The following MRPL3 variants were observed in gnomAD, a reference collection of about 807,000 sequenced individuals.
MRPL3 encodes the protein large ribosomal subunit protein uL3m.
A neutral mutation model predicts 44.3 loss-of-function variants in MRPL3; 43 were observed. The ratio of observed to expected loss-of-function variants is 0.97; its 90% CI spans 0.76 to 1.25. MRPL3 has a LOEUF of 1.25. Among genes scored for constraint, MRPL3 ranks in the 50% most tolerant of loss-of-function variants. The pLI, the probability that MRPL3 is intolerant of heterozygous loss-of-function variation, is 0.00. For synonymous variants in MRPL3, 171 were observed against 152.3 expected (o/e 1.12, Z -0.91); for missense variants, 406 against 427.6 (o/e 0.95, Z 0.45).
chr3:131,480,682 A>C (rs1933963763), intron 6 of MRPL3, among the ~76,000 whole-genome samples: 1 of 152,208 alleles, frequency 6.6e-6, no homozygotes, highest in Admixed American at 6.5e-5. Flanking sequence ...TCTTCTCAAA[A>C]AAGAAAACAC....
rs200125815 is a variant in MRPL3 at position 131,502,739 on chromosome 3, G to A, written c.83C>T (p.Pro28Leu). The change falls in exon 1 of 10, where the codon CCG (proline) becomes CTG (leucine). Residue 28 changes from proline (P) to leucine (L), a missense_variant. By Grantham distance (98) the Pro-to-Leu change is moderately conservative. Transcript: ENST00000264995. Reference sequence around the variant, plus strand: ...CCTCACACCTTCCTACCTGTTCCCCGGGCCCAGGGCAGCACCCAGGCCGTC... The same window carrying A: ...CCTCACACCTTCCTACCTGTTCCCCAGGCCCAGGGCAGCACCCAGGCCGTC... Reference protein sequence around the residue: ...LGDGLGAALGPGNRTHIWLFV... With the variant: ...LGDGLGAALGLGNRTHIWLFV... 249 of 1,608,892 alleles carry A rather than the reference G, an allele frequency of 1.5e-4. 3 individuals are homozygous for A. In the East Asian group the frequency reaches 4.9e-3, roughly 32 times the overall value.
intron 1 of MRPL3, chr3:131,501,926 T>G: frequency 6.5e-7 from 1 of 1,534,760 alleles, no homozygotes; most frequent in East Asian, 2.4e-5. Context: ...GTCGTTACCC[T>G]GGAGAAAAAA....
rs78929649 is a variant in MRPL3 at position 131,487,448 on chromosome 3, TA to T, written c.629+231del. On this transcript the variant is annotated intron_variant, in intron 6 of 9. Coordinates refer to ENST00000264995, the MANE Select transcript of MRPL3 (RefSeq NM_007208.4). ...ATGTACCCTAGAACTTAAAGTATAA[TA>T]AAAAAAAAACAAATAAAAATAAAAG... 0.019 allele frequency: 7,139 copies of T among 379,494 alleles called. 56 individuals carry two copies. The highest frequency in any genetic ancestry group is 0.041 in the East Asian group (792 of 19,142). The allele number at this position is 379,494 out of a possible 1,614,324, so 23.5% of individuals were successfully genotyped here. A position where few individuals can be genotyped will look rare whatever the true frequency, so the allele number is the denominator to read the frequency against.
In MRPL3 at chr3:131,462,817, G is replaced by A; in HGVS notation, c.953C>T (p.Thr318Ile). The A allele has an allele frequency of 2.5e-6, 4 of 1,612,654 alleles. No individual in the cohort carries two copies. Among genetic ancestry groups the A allele is most frequent in the Non-Finnish European group, 3.4e-6 (4 of 1,179,122 alleles). Residue 318 changes from threonine (T) to isoleucine (I), a missense_variant, in exon 10 of 10, where the codon ACA (threonine) becomes ATA (isoleucine). Physicochemically the swap from Thr to Ile is moderately conservative, Grantham distance 89 (BLOSUM62 -1). Coordinates refer to ENST00000264995, the MANE Select transcript of MRPL3 (RefSeq NM_007208.4). ...CTCTTCATCTCCATCAGGAAAATAT[G>A]TAGGGAATGGTAGATTTTTACCGAG... is the stretch of plus-strand genomic sequence containing the variant. ...KDLGKNLPFP[T>I]YFPDGDEEEL...
At chr3:131,490,162 T>G (rs1183739585) in intron 4 of MRPL3, 82 bp from the exon 5 acceptor site, 6 of 916,146 alleles carry the variant, frequency 6.5e-6, no homozygotes, top group Non-Finnish European at 1.1e-5. Flanking sequence ...ACCAAGTTAT[T>G]AACACCCCAG....
chr3:131,488,100 T>A (rs1273996004), intron 5 of MRPL3, among the ~76,000 whole-genome samples: 1 of 152,188 alleles, frequency 6.6e-6, no homozygotes, highest in Non-Finnish European at 1.5e-5. Flanking sequence ...AACCAAAAAA[T>A]GTTGGGGCTT....
chr3:131,498,745 A>T (rs572702163), intron 3 of MRPL3, among the ~76,000 whole-genome samples: 95 of 151,868 alleles, frequency 6.3e-4, no homozygotes, highest in Non-Finnish European at 1.2e-3. Flanking sequence ...ACAGAAAAGA[A>T]CATATACAAC....
intron 6 of MRPL3, among the ~76,000 whole-genome samples, chr3:131,473,712 T>TA (rs954157129): frequency 6.1e-4 from 91 of 149,734 alleles, no homozygotes; most frequent in East Asian, 2.0e-3. Flanking sequence ...CTCAAACAAC[T>TA]AAAAAAAAAC....
chr3:131,474,675 A>G (rs1366370296), intron 6 of MRPL3, among the ~76,000 whole-genome samples: 1 of 152,158 alleles, frequency 6.6e-6, no homozygotes, highest in African/African-American at 2.4e-5. Context: ...CAATGTGTCA[A>G]TTAGAAATAA....
intron 6 of MRPL3, among the ~76,000 whole-genome samples, chr3:131,484,566 G>C (rs180974286): frequency 6.6e-6 from 1 of 152,178 alleles, no homozygotes; most frequent in South Asian, 2.1e-4. Flanking sequence ...AAAGTAGAGA[G>C]AGGAGTTTAA....
intron 6 of MRPL3, among the ~76,000 whole-genome samples, chr3:131,476,959 A>G (rs1933866537): frequency 6.6e-6 from 1 of 152,182 alleles, no homozygotes; most frequent in African/African-American, 2.4e-5. Flanking sequence ...TTTGAAGAAA[A>G]GGGGAGAAGC....
At chr3:131,492,830 C>T (rs564712830) in intron 4 of MRPL3, among the ~76,000 whole-genome samples, 1 of 152,298 alleles carries the variant, frequency 6.6e-6, no homozygotes, top group African/African-American at 2.4e-5. Context: ...GCTCTCCACT[C>T]CTGCCTTCTG....
chr3:131,479,363 C>T (rs1226777859), intron 6 of MRPL3: 1 of 206,698 alleles, frequency 4.8e-6, no homozygotes, highest in Non-Finnish European at 1.0e-5. Context: ...AAGAATACAC[C>T]CAAATCAGGC....
At chr3:131,498,366 G>A in intron 3 of MRPL3, 89 bp from the exon 4 acceptor site, 1 of 722,468 alleles carries the variant, frequency 1.4e-6, no homozygotes, top group Non-Finnish European at 2.3e-6. Flanking sequence ...AGGACAAATA[G>A]GAATTCCCTA....
chr3:131,482,897 G>T (rs1214265052), intron 6 of MRPL3, among the ~76,000 whole-genome samples: 2 of 150,944 alleles, frequency 1.3e-5, no homozygotes, highest in Admixed American at 6.6e-5. Flanking sequence ...TGTCCTTCAA[G>T]TCCTTTCAGG....
At chr3:131,463,343 A>C (rs1933531921) in intron 9 of MRPL3, among the ~76,000 whole-genome samples, 3 of 152,104 alleles carry the variant, frequency 2.0e-5, no homozygotes, top group Non-Finnish European at 4.4e-5. Flanking sequence ...TCTCCAACAA[A>C]TAAAACAAAC....
At chr3:131,483,058 C>T (rs1057385129) in intron 6 of MRPL3, among the ~76,000 whole-genome samples, 1 of 150,942 alleles carries the variant, frequency 6.6e-6, no homozygotes, top group African/African-American at 2.4e-5. Flanking sequence ...GGCTAAACAT[C>T]CTATGCTGAG....
At position 131,491,593 on chromosome 3, in the gene MRPL3, A is replaced by G. The variant is rs141887405; in HGVS notation, c.469-1513T>C. Among the ~76,000 whole-genome samples the G allele has an allele frequency of 2.3e-3, 343 of 152,266 alleles. 4 individuals carry two copies. Among genetic ancestry groups the G allele is most frequent in the African/African-American group, 7.7e-3 (320 of 41,552 alleles). ...AAATCTCAATAAAAAAGGCAACTCC[A>G]TAATGCTGCCGTATAGGTCAAAAAT... On this transcript the variant is annotated intron_variant, in intron 4 of 9. Coordinates refer to ENST00000264995, the MANE Select transcript of MRPL3 (RefSeq NM_007208.4).
rs913659364 is a variant in MRPL3, at chr3:131,490,643, G to C, written c.469-563C>G. On this transcript the variant is annotated intron_variant, in intron 4 of 9. Transcript: ENST00000264995. ...CACTGTTTCCTCTTCCTCCCTTTGA[G>C]TTGATCAAATAAAAGAATTAAGAGA... is the stretch of plus-strand genomic sequence containing the variant. Among the ~76,000 whole-genome samples the C allele has an allele frequency of 2.0e-5, 3 of 152,142 alleles. No individual in the cohort carries two copies. The South Asian group carries it at 6.2e-4, about 31-fold the overall frequency.
Sources: allele counts gnomAD v4.1 joint callset (sites outside exome capture counted in the v4.1 genomes callset), GRCh38; gene constraint gnomAD v4.1.1; transcripts MANE v1.5; gene names NCBI Gene and HGNC (gene_info 2026-07-23, HGNC 2026-07-21).